Variants in SCFD2 observed in about 807,000 individuals in gnomAD.
SCFD2 encodes the protein sec1 family domain-containing protein 2.
A neutral mutation model predicts 58.9 loss-of-function variants in SCFD2; 54 were observed. The ratio of observed to expected loss-of-function variants is 0.92; its 90% CI spans 0.74 to 1.15. SCFD2 has a LOEUF of 1.15. SCFD2 is among the 50% of genes most tolerant of loss of function. SCFD2 has a pLI of 0.00. For missense variants in SCFD2, 805 were observed against 836.6 expected (o/e 0.96, Z 0.47); for synonymous variants, 321 against 335.9 (o/e 0.96, Z 0.49).
chr4:53,163,788 CTCTT>C lies in SCFD2; in HGVS notation c.1312-18210_1312-18207del, dbSNP rs1726924705. ...GAGAACCAAAGAGGAAGTGAGATGACTCTTTAACGGTTAAATTTCTGGCTTGATG... is the reference window on the plus strand; with the variant it reads ...GAGAACCAAAGAGGAAGTGAGATGACTAACGGTTAAATTTCTGGCTTGATG... On this transcript the variant is annotated intron_variant, in intron 4 of 8. Transcript: ENST00000401642. 3.3e-5 allele frequency among the ~76,000 whole-genome samples: 5 copies of C among 152,202 alleles called. No individual in the cohort carries two copies. In the South Asian group the frequency reaches 1.0e-3, roughly 32 times the overall value.
chr4:53,058,925 G>A (rs1723426163), intron 5 of SCFD2, among the ~76,000 whole-genome samples: 1 of 152,144 alleles, frequency 6.6e-6, no homozygotes, highest in Non-Finnish European at 1.5e-5. Flanking sequence ...AAAGCACACA[G>A]ACAAGTGGCA....
At chr4:53,258,511 G>A (rs1162257827) in intron 4 of SCFD2, among the ~76,000 whole-genome samples, 1 of 139,418 alleles carries the variant, frequency 7.2e-6, no homozygotes, top group Non-Finnish European at 1.5e-5. Context: ...TTCTTTTTAT[G>A]GCTAAGTCGT....
intron 3 of SCFD2, among the ~76,000 whole-genome samples, chr4:53,276,250 T>A (rs1339262639): frequency 1.3e-5 from 2 of 152,120 alleles, no homozygotes; most frequent in African/African-American, 2.4e-5. Context: ...GATGAAAAAG[T>A]TTTATAGCAA....
intron 5 of SCFD2, among the ~76,000 whole-genome samples, chr4:53,115,830 G>A (rs1036455809): frequency 2.6e-5 from 4 of 152,120 alleles, no homozygotes; most frequent in East Asian, 1.9e-4. Context: ...CTAACAATGC[G>A]ATGCCTGCTC....
At chr4:53,063,880 A>AT (rs1161128744) in intron 5 of SCFD2, among the ~76,000 whole-genome samples, 1 of 151,886 alleles carries the variant, frequency 6.6e-6, no homozygotes, top group Non-Finnish European at 1.5e-5. Context: ...GCTTATCAGA[A>AT]TTTTTTTTCT....
chr4:53,328,126 C>T (rs902050077), intron 2 of SCFD2, among the ~76,000 whole-genome samples: 5 of 132,564 alleles, frequency 3.8e-5, no homozygotes, highest in African/African-American at 1.1e-4. Flanking sequence ...CAGAGCGAGA[C>T]TCTGTCTCAA....
chr4:53,173,195 A>G (rs1400821795), intron 4 of SCFD2, among the ~76,000 whole-genome samples: 1 of 152,230 alleles, frequency 6.6e-6, no homozygotes, highest in Non-Finnish European at 1.5e-5. Flanking sequence ...ATATCCTGAT[A>G]AATCCATCAT....
At chr4:53,157,293 C>T (rs142704540) in intron 4 of SCFD2, among the ~76,000 whole-genome samples, 4 of 152,172 alleles carry the variant, frequency 2.6e-5, no homozygotes, top group African/African-American at 9.6e-5. Flanking sequence ...GGTAGACCAG[C>T]GAATTTTAAT....
At position 53,139,282 on chromosome 4, in the gene SCFD2, G is replaced by A. The variant is rs547869457; in HGVS notation, c.1561+6051C>T. ...AGTGCCGAGATTGCAACCTCTGCCC[G>A]GCCGCCACCCCGCCCCACAAGAAGT... On this transcript the variant is annotated intron_variant, in intron 5 of 8. Transcript: ENST00000401642. 2.0e-3 allele frequency among the ~76,000 whole-genome samples: 305 copies of A among 152,252 alleles called. 1 individual carries two copies. The highest frequency in any genetic ancestry group is 3.9e-3 in the Non-Finnish European group (266 of 68,012).
intron 7 of SCFD2, among the ~76,000 whole-genome samples, chr4:52,888,847 A>C (rs1237969189): frequency 6.6e-6 from 1 of 151,996 alleles, no homozygotes; most frequent in Non-Finnish European, 1.5e-5. Context: ...TACCTCTCAA[A>C]CCTATGTCTT....
At chr4:53,126,121 TTAA>T (rs1358436506) in intron 5 of SCFD2, among the ~76,000 whole-genome samples, 1 of 152,174 alleles carries the variant, frequency 6.6e-6, no homozygotes, top group Non-Finnish European at 1.5e-5. Context: ...ATCTGTGGCA[TTAA>T]TGAGAGACAC....
intron 4 of SCFD2, among the ~76,000 whole-genome samples, chr4:53,216,718 A>G (rs1385894785): frequency 3.3e-5 from 5 of 151,988 alleles, no homozygotes; most frequent in Admixed American, 2.6e-4. Context: ...TTGCTTCTCT[A>G]GTTCTTCTAA....
At chr4:53,220,790 TG>T (rs1434379297) in intron 4 of SCFD2, among the ~76,000 whole-genome samples, 1 of 152,240 alleles carries the variant, frequency 6.6e-6, no homozygotes, top group Non-Finnish European at 1.5e-5. Context: ...GGTAATGGTT[TG>T]GGGAAGAAGA....
intron 5 of SCFD2, among the ~76,000 whole-genome samples, chr4:53,068,153 C>G (rs1305913502): frequency 6.6e-6 from 1 of 151,986 alleles, no homozygotes; most frequent in Non-Finnish European, 1.5e-5. Flanking sequence ...TGTAAAGGGT[C>G]TTTCAAAATT....
At chr4:53,357,748 A>T (rs1304817305) in intron 1 of SCFD2, among the ~76,000 whole-genome samples, 1 of 152,190 alleles carries the variant, frequency 6.6e-6, no homozygotes, top group Non-Finnish European at 1.5e-5. Context: ...AAAATCAGAC[A>T]CTTTTCTGAG....
chr4:52,993,572 A>G (rs149088373), intron 5 of SCFD2, among the ~76,000 whole-genome samples: 1 of 152,266 alleles, frequency 6.6e-6, no homozygotes, highest in Non-Finnish European at 1.5e-5. Context: ...TTTTACATAC[A>G]TTGTTTATCT....
intron 6 of SCFD2, among the ~76,000 whole-genome samples, chr4:52,919,106 G>A (rs1419108269): frequency 6.6e-6 from 1 of 152,200 alleles, no homozygotes; most frequent in Non-Finnish European, 1.5e-5. Context: ...GACAGTGTTG[G>A]CAGCAGGGAG....
At chr4:53,312,620 T>C (rs182739543) in intron 3 of SCFD2, among the ~76,000 whole-genome samples, 2 of 152,354 alleles carry the variant, frequency 1.3e-5, no homozygotes, top group East Asian at 3.9e-4. Flanking sequence ...TTTCATGTTA[T>C]AACCCTGTAA....
intron 3 of SCFD2, among the ~76,000 whole-genome samples, chr4:53,311,815 T>C (rs1211592194): frequency 6.6e-6 from 1 of 152,036 alleles, no homozygotes; most frequent in East Asian, 1.9e-4. Flanking sequence ...TTTGTATTTT[T>C]AGTAGAGACA....
Sources: gnomAD v4.1 joint callset for allele counts (sites outside exome capture counted in the v4.1 genomes callset) on GRCh38, gnomAD v4.1.1 for gene constraint, MANE v1.5 for transcripts, NCBI Gene and HGNC (gene_info 2026-07-23, HGNC 2026-07-21) for gene names.